Variants in RAPGEF4 observed in about 807,000 individuals in gnomAD.
RAPGEF4 encodes the protein RAP guanine-nucleotide-exchange factor (GEF) 4.
A neutral mutation model predicts 147.9 loss-of-function variants in RAPGEF4; 66 were observed. The ratio of observed to expected loss-of-function variants is 0.45; its 90% CI spans 0.37 to 0.55. The LOEUF (loss-of-function observed/expected upper bound fraction) is 0.55, where lower values mean the gene tolerates loss of function less well. Ranked by LOEUF, RAPGEF4 falls within the 20% of genes least tolerant of loss-of-function variation. The probability of loss-of-function intolerance (pLI) is 0.00; values close to 1 mark genes in which losing one functional copy is unlikely to be tolerated. For synonymous variants in RAPGEF4, 419 were observed against 442.7 expected, an observed-to-expected ratio of 0.95 and a Z score of 0.67; for missense variants, 1,071 against 1,257.3, an observed-to-expected ratio of 0.85 and a Z score of 2.24.
chr2:173,000,750 CTTT>C (rs1164657530), intron 16 of RAPGEF4, among the ~76,000 whole-genome samples: 6 of 24,240 alleles, frequency 2.5e-4, no homozygotes, highest in East Asian at 4.2e-3. Flanking sequence ...TTCTTTCTTT[CTTT>C]TTTTTTTTTT....
chr2:172,956,638 T>C (rs1688768994), intron 6 of RAPGEF4, among the ~76,000 whole-genome samples: 1 of 151,706 alleles, frequency 6.6e-6, no homozygotes. Flanking sequence ...CCCGGCTAAT[T>C]TTTTTGTATT....
chr2:173,051,727 T>C lies in RAPGEF4; in HGVS notation c.2996T>C (p.Leu999Ser). Residue 999 changes from leucine (L) to serine (S), a missense_variant, in exon 31 of 31, where the codon TTA (leucine) becomes TCA (serine). Transcript: ENST00000397081. ...QLNVIDNQRT[L>S]SQMSHRLEPR... ...AATGTGATTGACAACCAGAGAACTTTATCACAGATGTCACACAGATTAGAG... is the reference window on the plus strand; with the variant it reads ...AATGTGATTGACAACCAGAGAACTTCATCACAGATGTCACACAGATTAGAG... 1 of 1,614,074 alleles carries C rather than the reference T, an allele frequency of 6.2e-7. No individual in the cohort carries two copies. Among genetic ancestry groups the C allele is most frequent in the Non-Finnish European group, 8.5e-7 (1 of 1,179,952 alleles).
At chr2:172,735,339 C>G (rs977049413), upstream of RAPGEF4, 1 of 152,224 alleles carries the variant, frequency 6.6e-6, no homozygotes, top group East Asian at 1.9e-4. Context: ...AGAGACTCGA[C>G]GGGCGTCCCC....
At chr2:173,049,780 G>A (rs1166201781) in intron 30 of RAPGEF4, among the ~76,000 whole-genome samples, 1 of 152,144 alleles carries the variant, frequency 6.6e-6, no homozygotes, top group Non-Finnish European at 1.5e-5. Flanking sequence ...ATTCTTATGT[G>A]GATTCAGCCA....
At chr2:172,930,798 C>A (rs951859919) in intron 6 of RAPGEF4, among the ~76,000 whole-genome samples, 28 of 152,272 alleles carry the variant, frequency 1.8e-4, no homozygotes, top group African/African-American at 6.7e-4. Context: ...TATTTGCATA[C>A]ATGATTTATG....
chr2:172,856,871 T>G (rs1693471561), intron 4 of RAPGEF4, among the ~76,000 whole-genome samples: 1 of 152,156 alleles, frequency 6.6e-6, no homozygotes. Context: ...TATCTGACTC[T>G]GGCCACACTG....
chr2:172,736,729 T>C (rs1693814638), intron 1 of RAPGEF4, among the ~76,000 whole-genome samples: 1 of 152,246 alleles, frequency 6.6e-6, no homozygotes. Flanking sequence ...TAACAGTGGA[T>C]TGCAGTTGTT....
chr2:172,904,721 A>C (rs1176697782), intron 4 of RAPGEF4, among the ~76,000 whole-genome samples: 1 of 151,598 alleles, frequency 6.6e-6, no homozygotes, highest in Non-Finnish European at 1.5e-5. Context: ...TCTCTACCCG[A>C]TACACCACTT....
chr2:172,988,362 T>G lies in RAPGEF4; in HGVS notation c.1227+90T>G, dbSNP rs1303196361. On this transcript the variant is annotated intron_variant, in intron 13 of 30. Coordinates refer to ENST00000397081, the MANE Select transcript of RAPGEF4 (RefSeq NM_007023.4). ...TAGCAATGTAGTGCCACAATTAAAT[T>G]TGCAACAACATTGCTCCTAGATGTA... 6 of 1,502,546 alleles carry G rather than the reference T, an allele frequency of 4.0e-6. No individual in the cohort carries two copies. In the Admixed American group the frequency reaches 1.0e-4, roughly 25 times the overall value. 93.1% of individuals were successfully genotyped at this position (1,502,546 alleles called of 1,614,324 possible).
intron 1 of RAPGEF4, among the ~76,000 whole-genome samples, chr2:172,752,258 G>A (rs539484529): frequency 1.3e-5 from 2 of 152,172 alleles, no homozygotes; most frequent in South Asian, 2.1e-4. Context: ...TCTTAGCCAG[G>A]CCTTGAAGGC....
chr2:172,954,161 G>A (rs572552512), intron 6 of RAPGEF4, among the ~76,000 whole-genome samples: 2 of 152,094 alleles, frequency 1.3e-5, no homozygotes, highest in African/African-American at 2.4e-5. Context: ...AGCTGAAAAC[G>A]CCCCATCCCC....
At chr2:172,776,838 A>G (rs1684220051) in intron 1 of RAPGEF4, among the ~76,000 whole-genome samples, 1 of 152,102 alleles carries the variant, frequency 6.6e-6, no homozygotes, top group African/African-American at 2.4e-5. Context: ...ATGCATTATG[A>G]TAATCTTTTC....
chr2:172,793,089 C>T (rs1196449044), intron 1 of RAPGEF4, among the ~76,000 whole-genome samples: 1 of 152,188 alleles, frequency 6.6e-6, no homozygotes, highest in African/African-American at 2.4e-5. Context: ...CTCTTTCTAG[C>T]TTTTGCAGGT....
chr2:172,860,254 T>G, intron 4 of RAPGEF4: 1 of 985,430 alleles, frequency 1.0e-6, no homozygotes, highest in Non-Finnish European at 1.2e-6. Context: ...AACTAGAATG[T>G]ACCCCTAGGG....
Position 172,740,721 on chromosome 2 carries a change from C to T in RAPGEF4, c.65+4673C>T, listed in dbSNP as rs1323855435. ...GGAGGCTAGTATCTACTAGCCATGT[C>T]CCAAGGGATGACATTACCCCGGTAC... On this transcript the variant is annotated intron_variant, in intron 1 of 30. Transcript: ENST00000397081. 1.3e-5 allele frequency among the ~76,000 whole-genome samples: 2 copies of T among 152,142 alleles called. 1 individual carries two copies. The highest frequency in any genetic ancestry group is 4.1e-4 in the South Asian group (2 of 4,822).
At chr2:172,784,922 T>C (rs1263107200) in intron 1 of RAPGEF4, among the ~76,000 whole-genome samples, 1 of 151,344 alleles carries the variant, frequency 6.6e-6, no homozygotes, top group Non-Finnish European at 1.5e-5. Flanking sequence ...ACCTCCCGGG[T>C]TCAAGTGTTT....
intron 1 of RAPGEF4, among the ~76,000 whole-genome samples, chr2:172,783,763 T>A (rs1293472030): frequency 1.6e-4 from 24 of 146,704 alleles, no homozygotes; most frequent in African/African-American, 5.6e-4. Context: ...TATGTGCTTG[T>A]GTGTATGTGT....
chr2:172,838,196 C>G (rs555858533), intron 4 of RAPGEF4, among the ~76,000 whole-genome samples: 5 of 151,768 alleles, frequency 3.3e-5, no homozygotes, highest in African/African-American at 1.2e-4. Flanking sequence ...GGGGTCTTCC[C>G]TTTGATATCC....
At chr2:173,032,129 C>T (rs1462901608) in intron 26 of RAPGEF4, among the ~76,000 whole-genome samples, 1 of 152,162 alleles carries the variant, frequency 6.6e-6, no homozygotes, top group Admixed American at 6.5e-5. Flanking sequence ...TGAGAATTAC[C>T]TGGAGCACAC....
Sources: gnomAD v4.1 joint callset for allele counts (sites outside exome capture counted in the v4.1 genomes callset) on GRCh38, gnomAD v4.1.1 for gene constraint, MANE v1.5 for transcripts, NCBI Gene and HGNC (gene_info 2026-07-23, HGNC 2026-07-21) for gene names.